FBXL7: variants seen among roughly 807,000 people sequenced by gnomAD.
The protein encoded by FBXL7 is F-box and leucine rich repeat protein 7, also known as F-box/LRR-repeat protein 7.
FBXL7 carries 12 observed loss-of-function variants against 38.3 expected under a neutral mutation model. The ratio of observed to expected loss-of-function variants is 0.31; its 90% CI spans 0.20 to 0.51. The LOEUF is 0.51. Among genes scored for constraint, FBXL7 ranks in the 20% least tolerant of loss-of-function variants. The pLI, the probability that FBXL7 is intolerant of heterozygous loss-of-function variation, is 0.98. For synonymous variants in FBXL7, 297 were observed against 300.9 expected (o/e 0.99, Z 0.13); for missense variants, 567 against 676.4 (o/e 0.84, Z 1.79).
intron 1 of FBXL7, among the ~76,000 whole-genome samples, chr5:15,528,920 T>G (rs974970811): frequency 1.3e-5 from 2 of 152,248 alleles, no homozygotes; most frequent in African/African-American, 4.8e-5. Context: ...CTCAAATACT[T>G]ATTTTTCTGT....
Position 15,516,863 on chromosome 5 carries a change from G to C in FBXL7, c.37+16150G>C, listed in dbSNP as rs371074237. On this transcript the variant is annotated intron_variant, in intron 1 of 3. Coordinates refer to ENST00000504595, the MANE Select transcript of FBXL7 (RefSeq NM_012304.5). ...GGACGCATTTGCTTCCCCTTCTGCC[G>C]TGATTGTGCGTTTCCTGAGGCCTCC... 1.8e-4 allele frequency among the ~76,000 whole-genome samples: 27 copies of C among 152,214 alleles called. 1 individual carries two copies. In the South Asian group the frequency reaches 5.6e-3, roughly 32 times the overall value.
chr5:15,849,896 C>G (rs1212909054), intron 2 of FBXL7, among the ~76,000 whole-genome samples: 1 of 152,134 alleles, frequency 6.6e-6, no homozygotes, highest in Non-Finnish European at 1.5e-5. Context: ...CTTCAATTCT[C>G]CCATGAGTGA....
chr5:15,932,858 T>A (rs1742078939), intron 3 of FBXL7, among the ~76,000 whole-genome samples: 2 of 152,338 alleles, frequency 1.3e-5, no homozygotes, highest in South Asian at 4.1e-4. Context: ...TGTCTGAATG[T>A]TCACTTCATT....
intron 1 of FBXL7, among the ~76,000 whole-genome samples, chr5:15,539,510 T>G (rs1403492425): frequency 1.3e-5 from 2 of 152,140 alleles, no homozygotes; most frequent in Non-Finnish European, 2.9e-5. Flanking sequence ...CTGTGTTGCT[T>G]TTTAGCTTGT....
At chr5:15,902,544 A>T (rs951139236) in intron 2 of FBXL7, among the ~76,000 whole-genome samples, 1 of 152,192 alleles carries the variant, frequency 6.6e-6, no homozygotes, top group African/African-American at 2.4e-5. Context: ...CATGTGATTT[A>T]CTTTTGTCTG....
chr5:15,626,552 G>A (rs1740828031), intron 2 of FBXL7, among the ~76,000 whole-genome samples: 1 of 151,768 alleles, frequency 6.6e-6, no homozygotes, highest in African/African-American at 2.4e-5. Context: ...TCCTGTGTGT[G>A]TGTGTGTGTG....
chr5:15,548,861 A>C (rs1737988013), intron 1 of FBXL7, among the ~76,000 whole-genome samples: 1 of 152,254 alleles, frequency 6.6e-6, no homozygotes, highest in African/African-American at 2.4e-5. Flanking sequence ...ATAACAGAGG[A>C]AACAGGATAG....
intron 2 of FBXL7, among the ~76,000 whole-genome samples, chr5:15,780,379 A>G (rs1736962822): frequency 1.3e-5 from 2 of 152,172 alleles, no homozygotes; most frequent in Admixed American, 6.5e-5. Flanking sequence ...TTTACTTTGC[A>G]AGCTGATCAA....
chr5:15,850,221 C>G (rs1739051269), intron 2 of FBXL7, among the ~76,000 whole-genome samples: 1 of 152,130 alleles, frequency 6.6e-6, no homozygotes, highest in Non-Finnish European at 1.5e-5. Flanking sequence ...GCAATCCAAG[C>G]AACAATAGGA....
At chr5:15,565,618 C>T (rs1240999171) in intron 1 of FBXL7, among the ~76,000 whole-genome samples, 1 of 151,698 alleles carries the variant, frequency 6.6e-6, no homozygotes, top group African/African-American at 2.4e-5. Flanking sequence ...ATATATATTG[C>T]ACAATTATGG....
At chr5:15,610,851 G>A (rs1467232388) in intron 1 of FBXL7, among the ~76,000 whole-genome samples, 1 of 152,050 alleles carries the variant, frequency 6.6e-6, no homozygotes, top group Non-Finnish European at 1.5e-5. Flanking sequence ...ATAACCCTAT[G>A]AGGCAGGAAT....
At chr5:15,655,261 C>T (rs767620661) in intron 2 of FBXL7, among the ~76,000 whole-genome samples, 6 of 152,158 alleles carry the variant, frequency 3.9e-5, no homozygotes, top group Admixed American at 6.5e-5. Flanking sequence ...TTTGAGAGGC[C>T]GTGGCGGGTG....
rs1398542464 is a variant in FBXL7 at position 15,928,417 on chromosome 5, G to A, written c.655G>A (p.Val219Ile). Residue 219 changes from valine to isoleucine, a missense_variant, in exon 3 of 4, where the codon GTC becomes ATC. Physicochemically the swap from Val to Ile is conservative, Grantham distance 29. Coordinates refer to ENST00000504595, the MANE Select transcript of FBXL7 (RefSeq NM_012304.5). The surrounding 1 kb of genome is among the most constrained non-coding windows in gnomAD (Gnocchi z 4.0). ...CTGCCCCGAACTGAGGCGACTGGAA[G>A]TCTCAGGCTGTTACAATATCTCCAA... is the stretch of plus-strand genomic sequence containing the variant. ...QCCPELRRLE[V>I]SGCYNISNEA... 2 of 1,613,958 alleles carry A rather than the reference G, an allele frequency of 1.2e-6. No homozygotes were observed. Among genetic ancestry groups the A allele is most frequent in the African/African-American group, 2.7e-5 (2 of 74,934 alleles).
intron 2 of FBXL7, among the ~76,000 whole-genome samples, chr5:15,712,478 G>A (rs1441196844): frequency 6.6e-6 from 1 of 152,046 alleles, no homozygotes; most frequent in East Asian, 1.9e-4. Flanking sequence ...TAAAAACCTG[G>A]CTGACTTTCA....
At chr5:15,789,973 G>C (rs1267882174) in intron 2 of FBXL7, among the ~76,000 whole-genome samples, 2 of 152,148 alleles carry the variant, frequency 1.3e-5, no homozygotes, top group Admixed American at 6.5e-5. Flanking sequence ...CCCTGATGCT[G>C]CATAGGCCCC....
At chr5:15,614,037 G>T (rs1001963362) in intron 1 of FBXL7, among the ~76,000 whole-genome samples, 4 of 152,034 alleles carry the variant, frequency 2.6e-5, no homozygotes, top group Non-Finnish European at 4.4e-5. Context: ...ACCTCCCAAG[G>T]CCCCACCTCC....
intron 1 of FBXL7, among the ~76,000 whole-genome samples, chr5:15,512,830 G>C (rs1159207579): frequency 1.3e-5 from 2 of 152,060 alleles, no homozygotes; most frequent in Non-Finnish European, 2.9e-5. Flanking sequence ...TTGTTTTGTA[G>C]TATTTGTTTT....
intron 2 of FBXL7, among the ~76,000 whole-genome samples, chr5:15,628,157 A>G (rs941545756): frequency 6.6e-6 from 1 of 152,170 alleles, no homozygotes; most frequent in Non-Finnish European, 1.5e-5. Flanking sequence ...TCTGTTGTTT[A>G]TAGCGGCTAG....
intron 2 of FBXL7, among the ~76,000 whole-genome samples, chr5:15,723,881 T>C (rs1744270332): frequency 6.6e-6 from 1 of 152,192 alleles, no homozygotes; most frequent in East Asian, 1.9e-4. Context: ...TTTGTTTCTT[T>C]CTATTTTGTT....
Sources: allele counts gnomAD v4.1 joint callset (sites outside exome capture counted in the v4.1 genomes callset), GRCh38; gene constraint gnomAD v4.1.1; non-coding constraint Gnocchi (gnomAD v3.1); transcripts MANE v1.5; gene names NCBI Gene and HGNC (gene_info 2026-07-23, HGNC 2026-07-21).